Variants in AMOTL1 observed in about 807,000 individuals in gnomAD.
AMOTL1 encodes the protein angiomotin-like protein 1.
Under a neutral mutation model 102.9 loss-of-function variants are expected in AMOTL1, and 45 were observed. The observed-to-expected ratio is 0.44, with a 90% CI of 0.34 to 0.56. The LOEUF (loss-of-function observed/expected upper bound fraction) is 0.56, where lower values mean the gene tolerates loss of function less well. Among genes scored for constraint, AMOTL1 ranks in the 20% least tolerant of loss-of-function variants. The pLI is 0.01. For synonymous variants in AMOTL1, 481 were observed against 484.7 expected, an observed-to-expected ratio of 0.99 and a Z score of 0.10; for missense variants, 1,114 against 1,225.6, an observed-to-expected ratio of 0.91 and a Z score of 1.36.
At chr11:94,733,849 T>C (rs2135464236) in intron 2 of AMOTL1, among the ~76,000 whole-genome samples, 1 of 152,338 alleles carries the variant, frequency 6.6e-6, no homozygotes, top group Middle Eastern at 3.4e-3. Context: ...TATGTATTTT[T>C]GGAATCGTTC....
chr11:94,862,887 A>G (rs903601838), intron 9 of AMOTL1, among the ~76,000 whole-genome samples: 1 of 152,208 alleles, frequency 6.6e-6, no homozygotes, highest in South Asian at 2.1e-4. Context: ...TGTATTTTCA[A>G]TGACACTTTG....
chr11:94,789,932 A>G (rs954745728), intron 1 of AMOTL1, among the ~76,000 whole-genome samples: 3 of 152,216 alleles, frequency 2.0e-5, no homozygotes, highest in Non-Finnish European at 4.4e-5. Flanking sequence ...GCTGGCAGAA[A>G]GCTTTGCCCG....
chr11:94,722,814 C>T (rs1413814148), intron 1 of AMOTL1, among the ~76,000 whole-genome samples: 1 of 152,034 alleles, frequency 6.6e-6, no homozygotes. Context: ...CTGATTTTCA[C>T]AAAATTCAAA....
At chr11:94,818,253 A>G (rs745601468) in intron 3 of AMOTL1, among the ~76,000 whole-genome samples, 1 of 152,186 alleles carries the variant, frequency 6.6e-6, no homozygotes. Context: ...AGCTGGCCTT[A>G]TACCATGTCT....
At chr11:94,850,854 G>A (rs539914149) in intron 7 of AMOTL1, among the ~76,000 whole-genome samples, 1 of 152,348 alleles carries the variant, frequency 6.6e-6, no homozygotes, top group African/African-American at 2.4e-5. Context: ...AGTCTTAACT[G>A]AGAAAGTCTG....
intron 6 of AMOTL1, among the ~76,000 whole-genome samples, chr11:94,836,349 A>T (rs1952180555): frequency 1.3e-5 from 2 of 152,042 alleles, no homozygotes; most frequent in South Asian, 4.2e-4. Flanking sequence ...GCTGCTCCTG[A>T]CTCTGGGCTC....
intron 5 of AMOTL1, 80 bp downstream of exon 5, chr11:94,830,274 T>G: frequency 7.2e-7 from 1 of 1,383,952 alleles, no homozygotes; most frequent in South Asian, 1.5e-5. Context: ...AAGGCCAGAG[T>G]GCTTTGCCAC....
At chr11:94,734,512 C>T (rs4303200) in intron 2 of AMOTL1, among the ~76,000 whole-genome samples, 18 of 152,136 alleles carry the variant, frequency 1.2e-4, no homozygotes, top group African/African-American at 4.1e-4. Context: ...TTTGATGAAA[C>T]CTTACTGATA....
Position 94,870,767 on chromosome 11 carries a change from A to T in AMOTL1, c.2843A>T (p.Asp948Val), listed in dbSNP as rs762252791. The change falls in exon 13 of 13, where the codon GAT (aspartate) becomes GTT (valine). Residue 948 changes from aspartate (D) to valine (V), a missense_variant. Coordinates refer to ENST00000433060, the MANE Select transcript of AMOTL1 (RefSeq NM_130847.3). ...TTGCTGCACAAGCCCGAGTTCCCTG[A>T]TGGAGAGATGATGGAAGTCCTCATC... ...SSLLHKPEFP[D>V]GEMMEVLI 4.4e-6 allele frequency: 7 copies of T among 1,600,622 alleles called. No homozygotes were observed. In the Admixed American group the frequency reaches 8.5e-5, roughly 19 times the overall value.
At chr11:94,866,345 A>G (rs1320144372) in intron 11 of AMOTL1, 177 bp downstream of exon 11, 1 of 648,560 alleles carries the variant, frequency 1.5e-6, no homozygotes, top group African/African-American at 1.8e-5. Context: ...CATTGTGTAA[A>G]TTCTAAAGAC....
At chr11:94,714,208 C>G (rs1950061054) in intron 1 of AMOTL1, among the ~76,000 whole-genome samples, 1 of 151,960 alleles carries the variant, frequency 6.6e-6, no homozygotes, top group Admixed American at 6.6e-5. Context: ...AAATATTGAA[C>G]CAGCCTTACA....
intron 1 of AMOTL1, among the ~76,000 whole-genome samples, chr11:94,769,382 G>C (rs2135512784): frequency 6.6e-6 from 1 of 152,288 alleles, no homozygotes; most frequent in East Asian, 1.9e-4. Flanking sequence ...GGCCGGGCTG[G>C]AGGACGCGGC....
chr11:94,803,145 C>T (rs1316088618), intron 3 of AMOTL1, among the ~76,000 whole-genome samples: 1 of 152,208 alleles, frequency 6.6e-6, no homozygotes, highest in Non-Finnish European at 1.5e-5. Context: ...ATTGTTGAGA[C>T]TTCACTCCTT....
chr11:94,802,666 G>A (rs1442673436), intron 3 of AMOTL1, among the ~76,000 whole-genome samples: 15 of 152,234 alleles, frequency 9.9e-5, no homozygotes, highest in Admixed American at 9.8e-4. Context: ...CTCAGGAGAC[G>A]TAACAGACAG....
At chr11:94,824,792 C>T (rs1951933451) in intron 4 of AMOTL1, among the ~76,000 whole-genome samples, 1 of 152,236 alleles carries the variant, frequency 6.6e-6, no homozygotes, top group Admixed American at 6.5e-5. Flanking sequence ...GCTATGCCCA[C>T]AGTTTCATTC....
intron 1 of AMOTL1, among the ~76,000 whole-genome samples, chr11:94,779,871 A>T (rs5028866): frequency 0.97 from 148,193 of 152,214 alleles, 72,251 homozygotes; most frequent in Middle Eastern, 1. Flanking sequence ...AAAAAAAAAA[A>T]TTATCGTTTG....
intron 1 of AMOTL1, among the ~76,000 whole-genome samples, chr11:94,784,880 G>A (rs1951160743): frequency 6.6e-6 from 1 of 151,532 alleles, no homozygotes. Context: ...TGGAAGTGAG[G>A]TTTTTAACAA....
intron 6 of AMOTL1, among the ~76,000 whole-genome samples, chr11:94,841,974 G>C (rs540002600): frequency 6.6e-6 from 1 of 152,118 alleles, no homozygotes; most frequent in Non-Finnish European, 1.5e-5. Flanking sequence ...AACTCACTGC[G>C]GGTTCTGGAT....
intron 11 of AMOTL1, among the ~76,000 whole-genome samples, chr11:94,868,956 A>G (rs1212946824): frequency 6.6e-6 from 1 of 151,260 alleles, no homozygotes; most frequent in Non-Finnish European, 1.5e-5. Flanking sequence ...AAAAAAAAAA[A>G]CAAAAAAAAC....
Sources: allele counts gnomAD v4.1 joint callset (sites outside exome capture counted in the v4.1 genomes callset), GRCh38; gene constraint gnomAD v4.1.1; transcripts MANE v1.5; gene names NCBI Gene and HGNC (gene_info 2026-07-23, HGNC 2026-07-21).